Variants in AAK1 observed in about 807,000 individuals in gnomAD.
AAK1 encodes AP2 associated kinase 1.
Under a neutral mutation model 116.0 loss-of-function variants are expected in AAK1, and 37 were observed. That is an observed-to-expected ratio of 0.32 (90% CI 0.25 to 0.42). The LOEUF is 0.42. Ranked by LOEUF, AAK1 falls within the 10% of genes least tolerant of loss-of-function variation. AAK1 has a pLI of 1.00. For missense variants in AAK1, 919 were observed against 1,170.6 expected (o/e 0.79, Z 3.14); for synonymous variants, 458 against 439.9 (o/e 1.04, Z -0.51).
At chr2:69,558,168 C>A (rs921106948) in intron 2 of AAK1, among the ~76,000 whole-genome samples, 6 of 151,990 alleles carry the variant, frequency 3.9e-5, no homozygotes, top group South Asian at 2.1e-4. Flanking sequence ...CATGGCGAAA[C>A]CCTGTCTCTA....
intron 17 of AAK1, among the ~76,000 whole-genome samples, chr2:69,494,565 CTTGTCTGATCCCATGATTACCAAAA>C (rs1376879157): frequency 6.6e-6 from 1 of 152,184 alleles, no homozygotes; most frequent in African/African-American, 2.4e-5. Context: ...ACCTCTTTCC[CTTGTCTGATCCCATGATTACCAAAA>C]CAGGGAGGAA....
chr2:69,531,999 T>C, intron 6 of AAK1, 42 bp downstream of exon 6: 1 of 1,608,518 alleles, frequency 6.2e-7, no homozygotes, highest in Non-Finnish European at 8.5e-7. Flanking sequence ...AAGTTGCTCA[T>C]CTGATTGTGG....
chr2:69,582,306 C>G (rs968334973), intron 2 of AAK1, among the ~76,000 whole-genome samples: 1 of 152,146 alleles, frequency 6.6e-6, no homozygotes, highest in Non-Finnish European at 1.5e-5. Flanking sequence ...GAAGTAGAAA[C>G]TGCAGTATAC....
At chr2:69,573,138 G>A (rs1672157155) in intron 2 of AAK1, among the ~76,000 whole-genome samples, 1 of 152,196 alleles carries the variant, frequency 6.6e-6, no homozygotes, top group Non-Finnish European at 1.5e-5. Context: ...AAACAGAACA[G>A]AGACAGAATG....
In AAK1 at chr2:69,474,538, T is replaced by A. The variant is rs1465175427; in HGVS notation, c.*1331A>T. ...GTTAATAAAGAACTATGCTTTATTATTTTTTTTTAATCTAGGAAGCCAAGG... is the reference window on the plus strand; with the variant it reads ...GTTAATAAAGAACTATGCTTTATTAATTTTTTTTAATCTAGGAAGCCAAGG... On this transcript the variant is annotated 3_prime_UTR_variant, in exon 22 of 22. Coordinates refer to ENST00000409085, the MANE Select transcript of AAK1 (RefSeq NM_014911.5). 3 of 955,442 alleles carry A rather than the reference T, an allele frequency of 3.1e-6. No individual in the cohort carries two copies. The highest frequency in any genetic ancestry group is 3.7e-6 in the Non-Finnish European group (3 of 803,208). 59.2% of individuals were successfully genotyped at this position (955,442 alleles called of 1,614,324 possible). A position where few individuals can be genotyped will look rare whatever the true frequency, so the allele number is the denominator to read the frequency against.
intron 16 of AAK1, among the ~76,000 whole-genome samples, chr2:69,499,243 C>T (rs1675875282): frequency 6.6e-6 from 1 of 152,206 alleles, no homozygotes; most frequent in African/African-American, 2.4e-5. Flanking sequence ...AATTCCCACT[C>T]TCTAACCCTC....
At chr2:69,526,693 T>A (rs1340640143) in intron 9 of AAK1, among the ~76,000 whole-genome samples, 1 of 152,198 alleles carries the variant, frequency 6.6e-6, no homozygotes, top group Non-Finnish European at 1.5e-5. Flanking sequence ...GATTACTAAA[T>A]GTAGAAAACA....
At chr2:69,527,397 A>T in intron 8 of AAK1, 78 bp from the exon 9 acceptor site, 1 of 942,142 alleles carries the variant, frequency 1.1e-6, no homozygotes, top group Non-Finnish European at 1.7e-6. Context: ...TCCTCTCTCT[A>T]CTCCCAATGT....
chr2:69,478,832 C>T (rs1674968293), intron 20 of AAK1, 119 bp downstream of exon 20: 1 of 753,798 alleles, frequency 1.3e-6, no homozygotes. Context: ...GTTTTCCATA[C>T]AAGGAGGTAG....
At chr2:69,639,744 C>G (rs1675618258) in intron 2 of AAK1, among the ~76,000 whole-genome samples, 1 of 152,172 alleles carries the variant, frequency 6.6e-6, no homozygotes, top group South Asian at 2.1e-4. Context: ...CCTCCCTAAA[C>G]TGCCTAGCCA....
At chr2:69,502,410 T>A (rs951403753) in intron 16 of AAK1, among the ~76,000 whole-genome samples, 6 of 151,964 alleles carry the variant, frequency 3.9e-5, no homozygotes, top group Non-Finnish European at 8.8e-5. Flanking sequence ...TCACCTGAGG[T>A]CAGGAGTTCA....
intron 2 of AAK1, among the ~76,000 whole-genome samples, chr2:69,618,374 C>T (rs772786013): frequency 1.2e-4 from 19 of 152,058 alleles, no homozygotes; most frequent in Admixed American, 3.9e-4. Context: ...ACAATAAAAA[C>T]AACTTAGCTC....
rs368446410 is a variant in AAK1 at position 69,509,446 on chromosome 2, T to C, written c.1791A>G (p.Val597=). 27 of 1,613,584 alleles carry C rather than the reference T, an allele frequency of 1.7e-5. No individual in the cohort carries two copies. The highest frequency in any genetic ancestry group is 6.7e-5 in the East Asian group (3 of 44,896). The change falls in exon 14 of 22, where the codon GTA becomes GTG. Residue 597 remains valine (V), a synonymous_variant. Transcript: ENST00000409085. ...TTGTCTGAACCTTTGGCTGTTGTCT[T>C]ACTGGGGCTTGAATCTGCTAGGAAG... ...PAQEPAIQAP[V]RQQPKVQTTP...
chr2:69,495,486 C>T (rs1169054394), intron 17 of AAK1, among the ~76,000 whole-genome samples: 1 of 152,086 alleles, frequency 6.6e-6, no homozygotes, highest in African/African-American at 2.4e-5. Flanking sequence ...ACGCACATTC[C>T]CTATTAATTA....
At chr2:69,497,295 CTTT>C (rs1176401016) in intron 16 of AAK1, among the ~76,000 whole-genome samples, 29 of 76,076 alleles carry the variant, frequency 3.8e-4, no homozygotes, top group African/African-American at 1.7e-3. Flanking sequence ...CATTATCATT[CTTT>C]TTTTTTTTTT....
intron 2 of AAK1, among the ~76,000 whole-genome samples, chr2:69,619,267 C>T (rs960306280): frequency 1.8e-4 from 27 of 152,124 alleles, no homozygotes; most frequent in African/African-American, 6.5e-4. Context: ...CCACTATCCT[C>T]GGCAGACAAC....
intron 2 of AAK1, among the ~76,000 whole-genome samples, chr2:69,595,815 G>A (rs1394712239): frequency 6.6e-6 from 1 of 152,216 alleles, no homozygotes; most frequent in Non-Finnish European, 1.5e-5. Context: ...CATAGCTAGA[G>A]AGGAGAAGTC....
At chr2:69,627,113 C>A (rs1320175034) in intron 2 of AAK1, among the ~76,000 whole-genome samples, 5 of 151,626 alleles carry the variant, frequency 3.3e-5, no homozygotes, top group Non-Finnish European at 7.4e-5. Context: ...TATGGTGAAA[C>A]CCCCGTCTCT....
chr2:69,580,665 C>T (rs146356898), intron 2 of AAK1, among the ~76,000 whole-genome samples: 1 of 152,328 alleles, frequency 6.6e-6, no homozygotes, highest in African/African-American at 2.4e-5. Flanking sequence ...GTCTTTTTCA[C>T]ATTTCCCTTT....
Sources: gnomAD v4.1 joint callset for allele counts (sites outside exome capture counted in the v4.1 genomes callset) on GRCh38, gnomAD v4.1.1 for gene constraint, MANE v1.5 for transcripts, NCBI Gene and HGNC (gene_info 2026-07-23, HGNC 2026-07-21) for gene names.